KIF16B: variants seen among roughly 807,000 people sequenced by gnomAD.
The protein encoded by KIF16B is kinesin-like protein KIF16B.
Under a neutral mutation model 156.3 loss-of-function variants are expected in KIF16B, and 98 were observed. The ratio of observed to expected loss-of-function variants is 0.63; its 90% CI spans 0.53 to 0.74. KIF16B has a LOEUF of 0.74. KIF16B is among the 30% of genes least tolerant of loss of function. The pLI is 0.00. For synonymous variants in KIF16B, 564 were observed against 583.7 expected, an observed-to-expected ratio of 0.97 and a Z score of 0.49; for missense variants, 1,421 against 1,606.5, an observed-to-expected ratio of 0.88 and a Z score of 1.97.
At chr20:16,478,373 C>G (rs889085775) in intron 12 of KIF16B, among the ~76,000 whole-genome samples, 1 of 152,104 alleles carries the variant, frequency 6.6e-6, no homozygotes, top group East Asian at 1.9e-4. Flanking sequence ...AATGGTATGA[C>G]CACGTTGGAA....
At chr20:16,561,632 C>A (rs1340635673) in intron 1 of KIF16B, among the ~76,000 whole-genome samples, 1 of 151,958 alleles carries the variant, frequency 6.6e-6, no homozygotes, top group East Asian at 1.9e-4. Flanking sequence ...TAAAACATTA[C>A]AGTGGAGAAA....
intron 23 of KIF16B, among the ~76,000 whole-genome samples, chr20:16,336,839 A>G (rs1289674390): frequency 6.6e-6 from 1 of 152,148 alleles, no homozygotes; most frequent in East Asian, 1.9e-4. Context: ...TTTGCCTTCT[A>G]AACATTTCTT....
At chr20:16,550,586 G>A (rs2070608187) in intron 1 of KIF16B, among the ~76,000 whole-genome samples, 1 of 143,426 alleles carries the variant, frequency 7.0e-6, no homozygotes, top group Admixed American at 7.2e-5. Flanking sequence ...AGGCTGGAGT[G>A]CAGTGGTGCG....
intron 1 of KIF16B, among the ~76,000 whole-genome samples, chr20:16,537,131 C>T (rs190217219): frequency 3.0e-4 from 45 of 152,278 alleles, no homozygotes; most frequent in South Asian, 1.2e-3. Flanking sequence ...CCATAAAACA[C>T]ATCTCACCAC....
chr20:16,281,714 C>T (rs1043864993), intron 25 of KIF16B, among the ~76,000 whole-genome samples: 3 of 152,168 alleles, frequency 2.0e-5, no homozygotes, highest in African/African-American at 4.8e-5. Flanking sequence ...TCACTGCACA[C>T]GTGTTCTCCA....
chr20:16,404,436 C>A lies in KIF16B; in HGVS notation c.1784+377G>T, dbSNP rs539163273. 1.0e-3 allele frequency among the ~76,000 whole-genome samples: 155 copies of A among 152,236 alleles called. 1 individual carries two copies. Among genetic ancestry groups the A allele is most frequent in the African/African-American group, 3.7e-3 (153 of 41,550 alleles). On this transcript the variant is annotated intron_variant, in intron 17 of 25. Transcript: ENST00000354981. ...ATTGGATGGCCTAAGAATCAGGCTG[C>A]CTCTGTTATAATTTATAAAACGAGA...
chr20:16,319,167 G>A lies in KIF16B; in HGVS notation c.3712-6749C>T, dbSNP rs908678512. 2.6e-5 allele frequency among the ~76,000 whole-genome samples: 4 copies of A among 152,132 alleles called. 1 individual carries two copies. The highest frequency in any genetic ancestry group is 2.0e-4 in the Admixed American group (3 of 15,278). Reference sequence around the variant, plus strand: ...GACTAAATATAATGGGGTGTCCTGGGTGGGATCCTGGAACAGAAAAAGGCC... The same window carrying A: ...GACTAAATATAATGGGGTGTCCTGGATGGGATCCTGGAACAGAAAAAGGCC... On this transcript the variant is annotated intron_variant, in intron 24 of 25. Coordinates refer to ENST00000354981, the MANE Select transcript of KIF16B (RefSeq NM_024704.5).
At chr20:16,526,717 T>C (rs1779707068) in intron 2 of KIF16B, among the ~76,000 whole-genome samples, 3 of 152,340 alleles carry the variant, frequency 2.0e-5, no homozygotes, top group African/African-American at 7.2e-5. Context: ...CACATCATAT[T>C]GTGAGTTTAT....
intron 25 of KIF16B, among the ~76,000 whole-genome samples, chr20:16,294,569 T>G (rs2063356325): frequency 6.6e-6 from 1 of 152,160 alleles, no homozygotes. Flanking sequence ...CTCTCTTGTT[T>G]GAGAATGATC....
At chr20:16,347,407 C>A (rs568926102) in intron 23 of KIF16B, among the ~76,000 whole-genome samples, 4 of 152,082 alleles carry the variant, frequency 2.6e-5, no homozygotes, top group Admixed American at 1.3e-4. Context: ...GAAGGCATGA[C>A]CATAAAATAA....
At chr20:16,280,547 G>C (rs867422496) in intron 25 of KIF16B, among the ~76,000 whole-genome samples, 7 of 152,212 alleles carry the variant, frequency 4.6e-5, no homozygotes, top group South Asian at 4.2e-4. Flanking sequence ...ATGAGCTTAT[G>C]TGAGCCCCTA....
In KIF16B at chr20:16,511,483, C is replaced by T. The variant is rs201934822; in HGVS notation, c.491G>A (p.Arg164Gln). ...YNERVRDLLR[R>Q]KSSKTFNLRV... is the part of the protein sequence containing the mutation. ...CAAATTGAAGGTTTTAGATGACTTC[C>T]GCCGAAGTAGATCTCTCACACGTTC... is the stretch of plus-strand genomic sequence containing the variant. Residue 164 changes from arginine (R) to glutamine (Q), a missense_variant, in exon 6 of 26, where the codon CGG (arginine) becomes CAG (glutamine). Transcript: ENST00000354981. 4.0e-5 allele frequency: 65 copies of T among 1,611,982 alleles called. No homozygotes were observed. Among genetic ancestry groups the T allele is most frequent in the African/African-American group, 9.4e-5 (7 of 74,838 alleles).
intron 1 of KIF16B, among the ~76,000 whole-genome samples, chr20:16,537,531 TC>T (rs1314703974): frequency 6.6e-6 from 1 of 151,828 alleles, no homozygotes; most frequent in Non-Finnish European, 1.5e-5. Context: ...GTGATGAACT[TC>T]CTGAAATATT....
chr20:16,470,169 C>T (rs906652985), intron 12 of KIF16B, among the ~76,000 whole-genome samples: 3 of 152,054 alleles, frequency 2.0e-5, no homozygotes, highest in Non-Finnish European at 4.4e-5. Context: ...TCAGTGATTG[C>T]CAGGAATTAG....
intron 12 of KIF16B, among the ~76,000 whole-genome samples, chr20:16,479,569 G>T (rs2067920129): frequency 6.6e-6 from 1 of 152,096 alleles, no homozygotes; most frequent in African/African-American, 2.4e-5. Context: ...ATATACAGTT[G>T]TGCACTACAT....
intron 12 of KIF16B, among the ~76,000 whole-genome samples, chr20:16,466,047 T>C (rs1200512981): frequency 6.6e-6 from 1 of 152,244 alleles, no homozygotes; most frequent in Non-Finnish European, 1.5e-5. Context: ...GGAAAATAAG[T>C]TCACAATGAG....
At chr20:16,505,391 C>G (rs1397641738) in intron 9 of KIF16B, among the ~76,000 whole-genome samples, 1 of 151,978 alleles carries the variant, frequency 6.6e-6, no homozygotes, top group Non-Finnish European at 1.5e-5. Context: ...AATAAAAAAA[C>G]AAAGTTGGGT....
At chr20:16,426,895 T>C (rs1267306078) in intron 15 of KIF16B, among the ~76,000 whole-genome samples, 3 of 152,180 alleles carry the variant, frequency 2.0e-5, no homozygotes, top group Admixed American at 2.0e-4. Flanking sequence ...ATTCTATATA[T>C]GTTCATATTT....
intron 23 of KIF16B, among the ~76,000 whole-genome samples, chr20:16,341,554 C>T (rs4814474): frequency 6.6e-6 from 1 of 151,952 alleles, no homozygotes; most frequent in Admixed American, 6.5e-5. Flanking sequence ...TTGCCTCTTA[C>T]CTTACTTGAT....
Sources: allele counts gnomAD v4.1 joint callset (sites outside exome capture counted in the v4.1 genomes callset), GRCh38; gene constraint gnomAD v4.1.1; transcripts MANE v1.5; gene names NCBI Gene and HGNC (gene_info 2026-07-23, HGNC 2026-07-21).